DCDC2: variants seen among roughly 807,000 people sequenced by gnomAD.
DCDC2 encodes doublecortin domain containing 2, also known as doublecortin domain-containing protein 2.
A neutral mutation model predicts 50.2 loss-of-function variants in DCDC2; 40 were observed. The observed-to-expected ratio is 0.80, with a 90% CI of 0.62 to 1.04. The LOEUF (loss-of-function observed/expected upper bound fraction) is 1.04. Among genes scored for constraint, DCDC2 ranks in the 50% least tolerant of loss-of-function variants. The pLI, the probability that DCDC2 is intolerant of heterozygous loss-of-function variation, is 0.00. For synonymous variants in DCDC2, 234 were observed against 210.6 expected, an observed-to-expected ratio of 1.11 and a Z score of -0.96; for missense variants, 570 against 581.9, an observed-to-expected ratio of 0.98 and a Z score of 0.21.
chr6:24,277,656 T>G (rs76539961), intron 7 of DCDC2, among the ~76,000 whole-genome samples: 3,860 of 152,294 alleles, frequency 0.025, 88 homozygotes, highest in African/African-American at 0.055. Context: ...ACAAAATGAC[T>G]TTTCAGTAAA....
At chr6:24,329,949 AC>A (rs757040214) in intron 2 of DCDC2, among the ~76,000 whole-genome samples, 24 of 152,316 alleles carry the variant, frequency 1.6e-4, no homozygotes, top group African/African-American at 5.1e-4. Context: ...CAAGTCTCTT[AC>A]ACTTTCTTGA....
intron 2 of DCDC2, among the ~76,000 whole-genome samples, chr6:24,308,601 C>A (rs1561768964): frequency 6.6e-6 from 1 of 152,110 alleles, no homozygotes; most frequent in East Asian, 1.9e-4. Context: ...GAAATAAAGT[C>A]AAACCCAGAG....
At chr6:24,181,266 G>A (rs529554689) in intron 8 of DCDC2, among the ~76,000 whole-genome samples, 1 of 152,186 alleles carries the variant, frequency 6.6e-6, no homozygotes, top group Non-Finnish European at 1.5e-5. Flanking sequence ...TGCTTGGTAA[G>A]AAGTTTCTGG....
chr6:24,229,806 G>A (rs1762302386), intron 7 of DCDC2, among the ~76,000 whole-genome samples: 1 of 152,116 alleles, frequency 6.6e-6, no homozygotes, highest in South Asian at 2.1e-4. Context: ...CCAAACAACA[G>A]GAAGGATGAG....
At chr6:24,216,906 T>C (rs781394523) in intron 7 of DCDC2, among the ~76,000 whole-genome samples, 3 of 152,162 alleles carry the variant, frequency 2.0e-5, no homozygotes, top group Non-Finnish European at 2.9e-5. Flanking sequence ...TTAGCTAAAA[T>C]ACCAAAACAA....
At chr6:24,222,006 G>A (rs902482538) in intron 7 of DCDC2, among the ~76,000 whole-genome samples, 19 of 152,188 alleles carry the variant, frequency 1.2e-4, no homozygotes, top group African/African-American at 4.1e-4. Context: ...ATGAGAAGAA[G>A]CAAATTCGAA....
chr6:24,376,375 G>A, the DCDC2 span, among the ~76,000 whole-genome samples: 1 of 152,174 alleles, frequency 6.6e-6, no homozygotes, highest in Non-Finnish European at 1.5e-5. Flanking sequence ...GGCCCCTGAG[G>A]ACTCTAGCAT....
intron 8 of DCDC2, among the ~76,000 whole-genome samples, chr6:24,180,114 G>A (rs149546109): frequency 7.7e-4 from 117 of 152,076 alleles, no homozygotes; most frequent in Non-Finnish European, 1.4e-3. Context: ...AAATGGGAAC[G>A]TAACAAAACT....
At chr6:24,334,626 A>C (rs1760023770) in intron 2 of DCDC2, among the ~76,000 whole-genome samples, 1 of 152,226 alleles carries the variant, frequency 6.6e-6, no homozygotes, top group Non-Finnish European at 1.5e-5. Context: ...AAAGGGATTC[A>C]AAGGCTAAAG....
chr6:24,183,672 T>C (rs538139024), intron 8 of DCDC2, among the ~76,000 whole-genome samples: 9 of 152,260 alleles, frequency 5.9e-5, no homozygotes, highest in Admixed American at 4.6e-4. Context: ...TCACGCCTTA[T>C]GACTTCAGTG....
intron 8 of DCDC2, among the ~76,000 whole-genome samples, chr6:24,187,513 CTATT>C (rs984363156): frequency 2.0e-5 from 3 of 152,106 alleles, no homozygotes. Flanking sequence ...CAGTTATTCT[CTATT>C]TATGTGCAAA....
chr6:24,269,796 G>A (rs73394068), intron 7 of DCDC2, among the ~76,000 whole-genome samples: 12,047 of 151,804 alleles, frequency 0.079, 727 homozygotes, highest in African/African-American at 0.17. Context: ...CTTCTTCAAG[G>A]TCCCTAAACC....
At chr6:24,326,237 G>A (rs1269103388) in intron 2 of DCDC2, among the ~76,000 whole-genome samples, 1 of 147,142 alleles carries the variant, frequency 6.8e-6, no homozygotes, top group African/African-American at 2.4e-5. Context: ...AAGGAAGGGA[G>A]GGAGGAAATC....
chr6:24,278,785 G>C (rs935109375), intron 6 of DCDC2, among the ~76,000 whole-genome samples: 2 of 152,140 alleles, frequency 1.3e-5, no homozygotes, highest in Admixed American at 6.5e-5. Flanking sequence ...GTCGCTATGG[G>C]TGTATAGATG....
intron 2 of DCDC2, among the ~76,000 whole-genome samples, chr6:24,322,015 C>T (rs1759782266): frequency 6.6e-6 from 1 of 152,130 alleles, no homozygotes; most frequent in African/African-American, 2.4e-5. Context: ...TCTTTGCAAT[C>T]GTTTCATGGA....
chr6:24,212,786 T>C (rs1004822139), intron 7 of DCDC2, among the ~76,000 whole-genome samples: 1 of 152,184 alleles, frequency 6.6e-6, no homozygotes, highest in African/African-American at 2.4e-5. Context: ...AAAGTGCTCC[T>C]CAATTATTTT....
At chr6:24,187,977 T>G (rs1217707259) in intron 8 of DCDC2, among the ~76,000 whole-genome samples, 1 of 152,250 alleles carries the variant, frequency 6.6e-6, no homozygotes, top group Non-Finnish European at 1.5e-5. Context: ...ACAAAAGGAT[T>G]TGAATTCTTT....
At chr6:24,181,851 G>A (rs571711849) in intron 8 of DCDC2, among the ~76,000 whole-genome samples, 1 of 152,294 alleles carries the variant, frequency 6.6e-6, no homozygotes, top group South Asian at 2.1e-4. Flanking sequence ...GGGACCCTGA[G>A]TGGCCAAAAC....
intron 8 of DCDC2, among the ~76,000 whole-genome samples, chr6:24,184,535 C>T (rs1761150159): frequency 6.6e-6 from 1 of 151,632 alleles, no homozygotes; most frequent in East Asian, 1.9e-4. Flanking sequence ...TGCACCACTG[C>T]ACTCCAGCCT....
Sources: allele counts gnomAD v4.1 joint callset (sites outside exome capture counted in the v4.1 genomes callset), GRCh38; gene constraint gnomAD v4.1.1; transcripts MANE v1.5; gene names NCBI Gene and HGNC (gene_info 2026-07-23, HGNC 2026-07-21).